Variants in FAM161A observed in about 807,000 individuals in gnomAD.
The protein encoded by FAM161A is protein FAM161A.
FAM161A carries 57 observed loss-of-function variants against 70.9 expected under a neutral mutation model. The ratio of observed to expected loss-of-function variants is 0.80; its 90% CI spans 0.65 to 1.00. The LOEUF (loss-of-function observed/expected upper bound fraction) is 1.00, where lower values mean the gene tolerates loss of function less well. Among genes scored for constraint, FAM161A ranks in the 50% least tolerant of loss-of-function variants. The pLI is 0.00. For synonymous variants in FAM161A, 299 were observed against 295.7 expected (o/e 1.01, Z -0.12); for missense variants, 880 against 836.0 (o/e 1.05, Z -0.65).
At chr2:61,816,212 C>T in the FAM161A span, among the ~76,000 whole-genome samples, 49 of 152,090 alleles carry the variant, frequency 3.2e-4, 1 homozygote, top group Non-Finnish European at 5.9e-5. Flanking sequence ...TCTGAAACTC[C>T]ACATCTGAGC....
chr2:61,825,777 A>G lies in FAM161A; in HGVS notation c.*678T>C, dbSNP rs1324066489. ...CTCTGCCTCCCAAGTAGCTGGGACT[A>G]CAGGCGCCCACCACCACGCCTGGCT... On this transcript the variant is annotated 3_prime_UTR_variant, in exon 7 of 7. Coordinates refer to ENST00000404929, the MANE Select transcript of FAM161A (RefSeq NM_001201543.2). The G allele has an allele frequency of 2.4e-6, 1 of 416,930 alleles. No individual in the cohort carries two copies. The highest frequency in any genetic ancestry group is 2.9e-5 in the Admixed American group (1 of 34,728). The allele number at this position is 416,930 out of a possible 1,614,324, so 25.8% of individuals were successfully genotyped here. A position where few individuals can be genotyped will look rare whatever the true frequency, so the allele number is the denominator to read the frequency against.
At chr2:61,814,737 T>C in the FAM161A span, among the ~76,000 whole-genome samples, 1 of 152,156 alleles carries the variant, frequency 6.6e-6, no homozygotes, top group Non-Finnish European at 1.5e-5. Flanking sequence ...TTGTTCAATA[T>C]GCATGATCAG....
intron 5 of FAM161A, among the ~76,000 whole-genome samples, chr2:61,834,107 C>T (rs987001051): frequency 2.0e-5 from 3 of 152,154 alleles, no homozygotes; most frequent in Non-Finnish European, 4.4e-5. Context: ...AACAACCCAG[C>T]CCATCAGCAG....
chr2:61,850,192 T>C (rs1572898088), intron 1 of FAM161A, among the ~76,000 whole-genome samples: 1 of 150,844 alleles, frequency 6.6e-6, no homozygotes, highest in East Asian at 2.0e-4. Context: ...AGGTCAGGAG[T>C]TGGAGACCAG....
chr2:61,805,200 A>T, the FAM161A span, among the ~76,000 whole-genome samples: 1 of 152,128 alleles, frequency 6.6e-6, no homozygotes, highest in East Asian at 1.9e-4. Flanking sequence ...CCGCCTTTTT[A>T]GGTCAAACCA....
the FAM161A span, among the ~76,000 whole-genome samples, chr2:61,813,553 A>G: frequency 6.7e-6 from 1 of 149,286 alleles, no homozygotes; most frequent in East Asian, 2.0e-4. Context: ...ACCTCAAAAA[A>G]AAAAAAAAAA....
the FAM161A span, among the ~76,000 whole-genome samples, chr2:61,803,820 T>A: frequency 4.0e-5 from 6 of 151,542 alleles, no homozygotes; most frequent in Admixed American, 2.0e-4. Context: ...CTCGAAAAAA[T>A]AAATAAATAA....
At chr2:61,826,713 C>A in intron 6 of FAM161A, 114 bp from the exon 7 acceptor site, 1 of 861,454 alleles carries the variant, frequency 1.2e-6, no homozygotes, top group South Asian at 1.6e-5. Context: ...GTATGAATTC[C>A]AATTTGTTAC....
At chr2:61,803,813 G>A in the FAM161A span, among the ~76,000 whole-genome samples, 3 of 151,834 alleles carry the variant, frequency 2.0e-5, no homozygotes, top group Non-Finnish European at 2.9e-5. Context: ...ACTCTGTCTC[G>A]AAAAAATAAA....
the FAM161A span, among the ~76,000 whole-genome samples, chr2:61,818,087 G>C: frequency 6.8e-6 from 1 of 147,432 alleles, no homozygotes; most frequent in African/African-American, 2.5e-5. Context: ...TTTTGAGTTG[G>C]AGTCTCTGTT....
At chr2:61,830,180 G>C (rs1167805245) in intron 5 of FAM161A, among the ~76,000 whole-genome samples, 1 of 152,140 alleles carries the variant, frequency 6.6e-6, no homozygotes, top group Non-Finnish European at 1.5e-5. Context: ...AAATGGTAAG[G>C]CGAAGGTATA....
intron 5 of FAM161A, among the ~76,000 whole-genome samples, chr2:61,830,969 A>T (rs1672551621): frequency 1.3e-5 from 2 of 150,384 alleles, no homozygotes; most frequent in East Asian, 4.0e-4. Context: ...AAAATTAGCC[A>T]GGCATGGTGG....
At chr2:61,853,123 G>C (rs1558495958) in intron 1 of FAM161A, among the ~76,000 whole-genome samples, 1 of 151,762 alleles carries the variant, frequency 6.6e-6, no homozygotes, top group Non-Finnish European at 1.5e-5. Flanking sequence ...TGTTGGTCAG[G>C]CTGGTCTCGA....
downstream of FAM161A, among the ~76,000 whole-genome samples, chr2:61,823,760 G>A (rs930518342): frequency 2.6e-5 from 4 of 151,852 alleles, no homozygotes; most frequent in South Asian, 4.2e-4. Flanking sequence ...TTTTCTCTGC[G>A]GAAATAAGTA....
chr2:61,810,950 T>C, the FAM161A span, among the ~76,000 whole-genome samples: 51 of 152,274 alleles, frequency 3.3e-4, 1 homozygote, highest in African/African-American at 1.2e-3. Context: ...GGACAGGACA[T>C]CACAGCATCT....
At chr2:61,828,540 A>G (rs1672461069) in intron 5 of FAM161A, among the ~76,000 whole-genome samples, 1 of 152,108 alleles carries the variant, frequency 6.6e-6, no homozygotes, top group African/African-American at 2.4e-5. Flanking sequence ...GTTGTCCAGG[A>G]TGGCCTTGAA....
At chr2:61,850,419 G>A (rs1264017729) in intron 1 of FAM161A, among the ~76,000 whole-genome samples, 2 of 151,744 alleles carry the variant, frequency 1.3e-5, no homozygotes, top group Admixed American at 6.6e-5. Flanking sequence ...GTGTGTGTGC[G>A]TTCGTGTGTA....
At chr2:61,811,017 A>T in the FAM161A span, among the ~76,000 whole-genome samples, 1 of 152,112 alleles carries the variant, frequency 6.6e-6, no homozygotes, top group African/African-American at 2.4e-5. Flanking sequence ...ACCATCCTCC[A>T]ATTGCTCCCC....
chr2:61,804,758 G>A, the FAM161A span, among the ~76,000 whole-genome samples: 87 of 66,372 alleles, frequency 1.3e-3, 1 homozygote, highest in Non-Finnish European at 4.4e-4. Context: ...AAGAAAGAAA[G>A]AAAAAGAAAG....
Sources: allele counts gnomAD v4.1 joint callset (sites outside exome capture counted in the v4.1 genomes callset), GRCh38; gene constraint gnomAD v4.1.1; transcripts MANE v1.5; gene names NCBI Gene and HGNC (gene_info 2026-07-23, HGNC 2026-07-21).